CHCHD3: variants seen among roughly 807,000 people sequenced by gnomAD.
CHCHD3 encodes coiled-coil-helix-coiled-coil-helix domain containing 3.
CHCHD3 carries 20 observed loss-of-function variants against 38.2 expected under a neutral mutation model. The ratio of observed to expected loss-of-function variants is 0.52; its 90% CI spans 0.37 to 0.76. The LOEUF is 0.76. CHCHD3 is among the 30% of genes least tolerant of loss of function. The pLI, the probability that CHCHD3 is intolerant of heterozygous loss-of-function variation, is 0.00. For missense variants in CHCHD3, 245 were observed against 279.2 expected, an observed-to-expected ratio of 0.88 and a Z score of 0.87; for synonymous variants, 82 against 100.0, an observed-to-expected ratio of 0.82 and a Z score of 1.07.
chr7:132,818,089 T>C (rs1807250473), intron 6 of CHCHD3, among the ~76,000 whole-genome samples: 1 of 152,150 alleles, frequency 6.6e-6, no homozygotes, highest in Admixed American at 6.5e-5. Flanking sequence ...CATTAGTTAT[T>C]ATTTGCTATG....
chr7:132,838,233 G>A (rs968140281), intron 6 of CHCHD3, among the ~76,000 whole-genome samples, 166 bp downstream of exon 6: 2 of 152,122 alleles, frequency 1.3e-5, no homozygotes, highest in African/African-American at 4.8e-5. Flanking sequence ...CTTGGCATCT[G>A]AATTCCAGTA....
At chr7:132,854,926 TGA>T (rs2117121917) in intron 5 of CHCHD3, among the ~76,000 whole-genome samples, 1 of 152,310 alleles carries the variant, frequency 6.6e-6, no homozygotes, top group East Asian at 1.9e-4. Context: ...GAGAGCTGGT[TGA>T]GTCTTGGACT....
intron 4 of CHCHD3, among the ~76,000 whole-genome samples, chr7:132,886,201 T>C (rs974181874): frequency 3.9e-5 from 6 of 152,130 alleles, no homozygotes; most frequent in Non-Finnish European, 1.5e-5. Flanking sequence ...ATACATACAT[T>C]GTTCTATTTC....
chr7:132,791,631 C>T (rs1354465293), intron 7 of CHCHD3, among the ~76,000 whole-genome samples: 1 of 152,158 alleles, frequency 6.6e-6, no homozygotes, highest in East Asian at 1.9e-4. Flanking sequence ...GGAGCAGAAT[C>T]CTGGTCTAAT....
intron 6 of CHCHD3, among the ~76,000 whole-genome samples, chr7:132,828,649 G>A (rs1417153843): frequency 6.6e-6 from 1 of 152,088 alleles, no homozygotes; most frequent in Non-Finnish European, 1.5e-5. Context: ...GAAAGTTCTG[G>A]TTTCAATTTT....
intron 4 of CHCHD3, among the ~76,000 whole-genome samples, chr7:132,960,498 T>C (rs1015407696): frequency 7.2e-5 from 11 of 152,236 alleles, no homozygotes; most frequent in African/African-American, 2.2e-4. Flanking sequence ...AGGTAAAAAG[T>C]AATAATCAGT....
At chr7:132,812,475 C>T (rs1807098027) in intron 6 of CHCHD3, among the ~76,000 whole-genome samples, 1 of 152,066 alleles carries the variant, frequency 6.6e-6, no homozygotes, top group Non-Finnish European at 1.5e-5. Flanking sequence ...TCCCAAAATG[C>T]TGGAATTACA....
chr7:132,981,270 C>CA (rs1811912441), intron 3 of CHCHD3, among the ~76,000 whole-genome samples: 1 of 152,060 alleles, frequency 6.6e-6, no homozygotes, highest in African/African-American at 2.4e-5. Flanking sequence ...CTCAGCCTCC[C>CA]AAAGTGCTGA....
intron 4 of CHCHD3, among the ~76,000 whole-genome samples, chr7:132,890,689 C>CT (rs141433624): frequency 0.16 from 24,408 of 152,190 alleles, 2,708 homozygotes; most frequent in Non-Finnish European, 0.24. Flanking sequence ...ACCTACTCAA[C>CT]TTTCCATGAG....
intron 2 of CHCHD3, among the ~76,000 whole-genome samples, chr7:133,030,080 C>T (rs1019064266): frequency 6.6e-6 from 1 of 150,808 alleles, no homozygotes; most frequent in African/African-American, 2.4e-5. Flanking sequence ...ATTACCTTAG[C>T]TACAAATGAG....
At chr7:133,031,853 A>G (rs1158063111) in intron 2 of CHCHD3, among the ~76,000 whole-genome samples, 1 of 152,202 alleles carries the variant, frequency 6.6e-6, no homozygotes, top group South Asian at 2.1e-4. Flanking sequence ...GCAAAAAGTT[A>G]TACCATAAGA....
intron 6 of CHCHD3, among the ~76,000 whole-genome samples, chr7:132,835,400 A>G (rs1394929233): frequency 6.6e-6 from 1 of 152,230 alleles, no homozygotes; most frequent in African/African-American, 2.4e-5. Context: ...GTTTGGCCAT[A>G]TTATTAATTA....
chr7:132,882,054 C>T (rs1366300592), intron 5 of CHCHD3, among the ~76,000 whole-genome samples: 4 of 152,094 alleles, frequency 2.6e-5, no homozygotes, highest in African/African-American at 7.2e-5. Context: ...CTATGATTAT[C>T]GTTATCTTAT....
chr7:132,871,201 G>A (rs549409525), intron 5 of CHCHD3, among the ~76,000 whole-genome samples: 6 of 152,178 alleles, frequency 3.9e-5, no homozygotes, highest in African/African-American at 1.2e-4. Flanking sequence ...TATATAACTT[G>A]AGCCTCTATT....
intron 4 of CHCHD3, among the ~76,000 whole-genome samples, chr7:132,944,360 T>C (rs1358911834): frequency 2.0e-5 from 3 of 151,674 alleles, no homozygotes; most frequent in African/African-American, 4.8e-5. Flanking sequence ...GGAGTGCAGA[T>C]TGGCTAAGAT....
chr7:132,876,453 T>C (rs1217974957), intron 5 of CHCHD3, among the ~76,000 whole-genome samples: 1 of 152,246 alleles, frequency 6.6e-6, no homozygotes, highest in African/African-American at 2.4e-5. Context: ...CTTTATTTCT[T>C]ACCTTGTCTT....
chr7:132,981,312 T>C (rs1474219414), intron 3 of CHCHD3, among the ~76,000 whole-genome samples: 1 of 152,148 alleles, frequency 6.6e-6, no homozygotes. Flanking sequence ...CACCAGCTAC[T>C]ATCTCCATTT....
chr7:132,908,577 C>T (rs573896914), intron 4 of CHCHD3, among the ~76,000 whole-genome samples: 42 of 152,182 alleles, frequency 2.8e-4, no homozygotes, highest in Admixed American at 1.7e-3. Flanking sequence ...TCTAGACTCT[C>T]CTCTGATAAA....
At chr7:132,920,695 T>C (rs535216664) in intron 4 of CHCHD3, among the ~76,000 whole-genome samples, 2 of 152,316 alleles carry the variant, frequency 1.3e-5, no homozygotes, top group South Asian at 4.1e-4. Flanking sequence ...CCAATACAAG[T>C]TCAGGTGCTT....
Sources: gnomAD v4.1 joint callset for allele counts (sites outside exome capture counted in the v4.1 genomes callset) on GRCh38, gnomAD v4.1.1 for gene constraint, MANE v1.5 for transcripts, NCBI Gene and HGNC (gene_info 2026-07-23, HGNC 2026-07-21) for gene names.